The following OR9Q1 variants were observed in gnomAD, a reference collection of about 807,000 sequenced individuals.
OR9Q1 encodes olfactory receptor 9Q1.
For missense variants in OR9Q1, 374 were observed against 378.8 expected, an observed-to-expected ratio of 0.99 and a Z score of 0.11; for synonymous variants, 153 against 148.6, an observed-to-expected ratio of 1.03 and a Z score of -0.22.
At chr11:58,112,056 G>T (rs920789337) in intron 2 of OR9Q1, among the ~76,000 whole-genome samples, 1 of 152,150 alleles carries the variant, frequency 6.6e-6, no homozygotes, top group Non-Finnish European at 1.5e-5. Context: ...TGGAGGCAGA[G>T]GCAGGTGGAT....
At chr11:58,133,758 A>T (rs1302330809) in intron 2 of OR9Q1, among the ~76,000 whole-genome samples, 1 of 152,206 alleles carries the variant, frequency 6.6e-6, no homozygotes, top group Non-Finnish European at 1.5e-5. Context: ...AAATGCTGGC[A>T]GGTGTTGGGA....
intron 2 of OR9Q1, chr11:58,119,159 G>A: frequency 6.2e-7 from 1 of 1,614,022 alleles, no homozygotes; most frequent in Non-Finnish European, 8.5e-7. Context: ...GCAGCACAGT[G>A]GCCGTAGGAG....
At chr11:58,170,279 A>G (rs1475858283) in intron 2 of OR9Q1, among the ~76,000 whole-genome samples, 1 of 152,126 alleles carries the variant, frequency 6.6e-6, no homozygotes, top group East Asian at 1.9e-4. Context: ...GGCAACATCT[A>G]CAATCTAACT....
intron 2 of OR9Q1, among the ~76,000 whole-genome samples, chr11:58,136,139 A>T (rs79457944): frequency 1.7e-3 from 262 of 152,254 alleles, no homozygotes; most frequent in African/African-American, 5.7e-3. Context: ...TGGATAACCT[A>T]CCATGGTTAT....
chr11:58,059,273 T>G (rs1329765239), intron 2 of OR9Q1, among the ~76,000 whole-genome samples: 1 of 152,228 alleles, frequency 6.6e-6, no homozygotes, highest in African/African-American at 2.4e-5. Context: ...CATTGTATAA[T>G]TCTTGGCATT....
chr11:58,158,788 A>G (rs536734995), intron 2 of OR9Q1, among the ~76,000 whole-genome samples: 1 of 152,312 alleles, frequency 6.6e-6, no homozygotes, highest in Admixed American at 6.5e-5. Context: ...CTTGTACTAT[A>G]TACAATTGGG....
intron 2 of OR9Q1, among the ~76,000 whole-genome samples, chr11:58,148,441 A>T (rs1854320078): frequency 1.3e-5 from 2 of 152,116 alleles, no homozygotes; most frequent in South Asian, 4.1e-4. Context: ...AGATGGATAG[A>T]AATACTTACC....
chr11:58,148,494 G>C (rs559874352), intron 2 of OR9Q1, among the ~76,000 whole-genome samples: 1 of 152,150 alleles, frequency 6.6e-6, no homozygotes, highest in Admixed American at 6.5e-5. Context: ...ATTTGTCTAA[G>C]CTACAGGGAA....
intron 2 of OR9Q1, among the ~76,000 whole-genome samples, chr11:58,105,828 GT>G (rs11310142): frequency 0.97 from 146,918 of 152,134 alleles, 71,147 homozygotes; most frequent in East Asian, 1. Context: ...CTAATATTCT[GT>G]TTTTTTGTCT....
chr11:58,083,819 T>G (rs1339998483), intron 2 of OR9Q1, among the ~76,000 whole-genome samples: 6 of 151,948 alleles, frequency 3.9e-5, no homozygotes. Flanking sequence ...CTGGTCTATG[T>G]GTCTGGTTTT....
chr11:58,128,299 C>T (rs907139798), intron 2 of OR9Q1, among the ~76,000 whole-genome samples: 1 of 148,796 alleles, frequency 6.7e-6, no homozygotes, highest in African/African-American at 2.5e-5. Flanking sequence ...AATTAACCTG[C>T]CTGATATAAA....
intron 2 of OR9Q1, among the ~76,000 whole-genome samples, chr11:58,170,638 G>C (rs544730070): frequency 6.6e-6 from 1 of 152,192 alleles, no homozygotes; most frequent in South Asian, 2.1e-4. Flanking sequence ...GAGTCATGGG[G>C]GTGGTTCCCC....
At chr11:58,063,749 C>A (rs767317950) in intron 2 of OR9Q1, among the ~76,000 whole-genome samples, 9 of 152,078 alleles carry the variant, frequency 5.9e-5, no homozygotes. Context: ...CAGTCAGGTA[C>A]CGTTCAGGCA....
At chr11:58,135,836 G>T (rs908718764) in intron 2 of OR9Q1, among the ~76,000 whole-genome samples, 1 of 152,164 alleles carries the variant, frequency 6.6e-6, no homozygotes, top group African/African-American at 2.4e-5. Context: ...ATTTCCCACA[G>T]TGTGTACTAT....
chr11:58,111,336 G>T (rs923794020), intron 2 of OR9Q1, among the ~76,000 whole-genome samples: 1 of 152,118 alleles, frequency 6.6e-6, no homozygotes, highest in African/African-American at 2.4e-5. Flanking sequence ...TTACTCCAGA[G>T]CACTGCTTTT....
intron 1 of OR9Q1, among the ~76,000 whole-genome samples, chr11:58,048,777 C>A (rs1853247820): frequency 7.6e-6 from 1 of 132,246 alleles, no homozygotes. Flanking sequence ...ACCACCGATC[C>A]CACAGAAATA....
intron 2 of OR9Q1, among the ~76,000 whole-genome samples, chr11:58,062,351 C>G (rs1375028164): frequency 1.3e-5 from 2 of 152,150 alleles, no homozygotes; most frequent in African/African-American, 4.8e-5. Flanking sequence ...GGTTGAGCCA[C>G]TTTTTAGTTG....
chr11:58,162,135 T>C (rs879730199), intron 2 of OR9Q1, among the ~76,000 whole-genome samples: 3 of 150,710 alleles, frequency 2.0e-5, no homozygotes, highest in Non-Finnish European at 3.0e-5. Context: ...TTGAAGAAGG[T>C]TCCTAACAGT....
chr11:58,076,557 G>T (rs950247735), intron 2 of OR9Q1, among the ~76,000 whole-genome samples: 1 of 152,098 alleles, frequency 6.6e-6, no homozygotes, highest in African/African-American at 2.4e-5. Flanking sequence ...CTCTTTTATG[G>T]GCTCACTGAC....
Sources: allele counts gnomAD v4.1 joint callset (sites outside exome capture counted in the v4.1 genomes callset), GRCh38; gene constraint gnomAD v4.1.1; transcripts MANE v1.5; gene names NCBI Gene and HGNC (gene_info 2026-07-23, HGNC 2026-07-21).